PRELID2: variants seen among roughly 807,000 people sequenced by gnomAD.
The protein encoded by PRELID2 is PRELI domain-containing protein 2.
In PRELID2, 25 loss-of-function variants were observed where a neutral mutation model predicts 28.4. That is an observed-to-expected ratio of 0.88 (90% CI 0.64 to 1.23). The LOEUF (loss-of-function observed/expected upper bound fraction) is 1.23, where lower values mean the gene tolerates loss of function less well. Ranked by LOEUF, PRELID2 falls within the 50% of genes most tolerant of loss-of-function variation. The pLI is 0.00. For synonymous variants in PRELID2, 76 were observed against 71.6 expected (o/e 1.06, Z -0.31); for missense variants, 201 against 214.4 (o/e 0.94, Z 0.39).
chr5:145,705,752 C>T (rs982995632), intron 1 of PRELID2, among the ~76,000 whole-genome samples: 4 of 152,088 alleles, frequency 2.6e-5, no homozygotes, highest in Non-Finnish European at 4.4e-5. Flanking sequence ...TATGCGAAAA[C>T]AAAATAGATG....
the PRELID2 span, among the ~76,000 whole-genome samples, chr5:145,377,348 G>A: frequency 6.6e-6 from 1 of 152,146 alleles, no homozygotes; most frequent in East Asian, 1.9e-4. Context: ...TAAGAAGAAT[G>A]TGTGTTCTGT....
the PRELID2 span, among the ~76,000 whole-genome samples, chr5:145,366,057 C>A: frequency 2.6e-5 from 4 of 151,858 alleles, no homozygotes; most frequent in Non-Finnish European, 5.9e-5. Context: ...ACCTCCCTAC[C>A]TCAATCTGCC....
chr5:145,543,351 C>A (rs1007748118), intron 1 of PRELID2, among the ~76,000 whole-genome samples: 1 of 151,964 alleles, frequency 6.6e-6, no homozygotes, highest in Non-Finnish European at 1.5e-5. Flanking sequence ...TTATTTGTTT[C>A]TTTCTTCCAA....
intron 2 of PRELID2, among the ~76,000 whole-genome samples, chr5:145,472,335 C>T (rs1752062016): frequency 1.3e-5 from 2 of 152,244 alleles, no homozygotes; most frequent in South Asian, 4.1e-4. Context: ...ATGCTCTCCA[C>T]AGCCCCATAG....
the PRELID2 span, among the ~76,000 whole-genome samples, chr5:145,281,191 T>C: frequency 6.6e-6 from 1 of 152,126 alleles, no homozygotes; most frequent in Admixed American, 6.5e-5. Flanking sequence ...TTAGTGGGCT[T>C]CTGCTAGGTC....
the PRELID2 span, among the ~76,000 whole-genome samples, chr5:145,405,699 GTTGT>G: frequency 0.035 from 1,602 of 45,976 alleles, 34 homozygotes; most frequent in African/African-American, 0.057. Flanking sequence ...GTACCACATA[GTTGT>G]TTTTTTTTTT....
At chr5:145,560,040 A>C (rs1752913722) in intron 1 of PRELID2, among the ~76,000 whole-genome samples, 1 of 152,164 alleles carries the variant, frequency 6.6e-6, no homozygotes, top group Non-Finnish European at 1.5e-5. Flanking sequence ...GAACATTTAC[A>C]TTAGTCTACA....
the PRELID2 span, among the ~76,000 whole-genome samples, chr5:145,312,312 C>T: frequency 6.6e-6 from 1 of 152,114 alleles, no homozygotes; most frequent in Non-Finnish European, 1.5e-5. Context: ...GATCATGCCA[C>T]TGCACTTCAG....
At chr5:145,486,839 C>A (rs1257448674) in intron 1 of PRELID2, among the ~76,000 whole-genome samples, 1 of 146,440 alleles carries the variant, frequency 6.8e-6, no homozygotes, top group Non-Finnish European at 1.5e-5. Flanking sequence ...TTGGAACCAA[C>A]CCAAATGTCC....
At chr5:145,641,174 G>A (rs1754100982) in intron 1 of PRELID2, among the ~76,000 whole-genome samples, 1 of 152,086 alleles carries the variant, frequency 6.6e-6, no homozygotes, top group Non-Finnish European at 1.5e-5. Context: ...AAACCTAACA[G>A]TTCCTCTCAA....
At chr5:145,416,549 T>C in the PRELID2 span, among the ~76,000 whole-genome samples, 3 of 152,074 alleles carry the variant, frequency 2.0e-5, no homozygotes, top group East Asian at 5.8e-4. Context: ...TGAATGACTC[T>C]TGGGTAAATA....
chr5:145,533,520 A>T (rs1471642114), intron 1 of PRELID2, among the ~76,000 whole-genome samples: 1 of 152,072 alleles, frequency 6.6e-6, no homozygotes, highest in Non-Finnish European at 1.5e-5. Context: ...TGGGTATTAC[A>T]TGCTTTGCTC....
intron 1 of PRELID2, among the ~76,000 whole-genome samples, chr5:145,534,110 C>T (rs1278515702): frequency 2.0e-5 from 3 of 151,988 alleles, no homozygotes; most frequent in African/African-American, 7.2e-5. Context: ...ATTTCATGGT[C>T]ATGAACAAAG....
chr5:145,415,927 T>C, the PRELID2 span, among the ~76,000 whole-genome samples: 1 of 152,070 alleles, frequency 6.6e-6, no homozygotes, highest in African/African-American at 2.4e-5. Flanking sequence ...TTTCTCCACT[T>C]CCTCTCCAGC....
intron 1 of PRELID2, among the ~76,000 whole-genome samples, chr5:145,732,356 A>G (rs1261911358): frequency 6.6e-6 from 1 of 152,228 alleles, no homozygotes; most frequent in African/African-American, 2.4e-5. Flanking sequence ...TTTTCCAACC[A>G]AAACTAATCA....
At chr5:145,649,409 C>G (rs370407250) in intron 1 of PRELID2, among the ~76,000 whole-genome samples, 217 of 152,178 alleles carry the variant, frequency 1.4e-3, no homozygotes, top group African/African-American at 5.1e-3. Context: ...TAATTTTGCC[C>G]AGCTGTAAGC....
chr5:145,551,206 G>T (rs1237677303), intron 1 of PRELID2, among the ~76,000 whole-genome samples: 2 of 152,000 alleles, frequency 1.3e-5, no homozygotes, highest in South Asian at 4.1e-4. Flanking sequence ...TTCAAGACCA[G>T]CCTGGCCAAC....
At chr5:145,286,695 AGTTTTTG>A in the PRELID2 span, among the ~76,000 whole-genome samples, 304 of 131,756 alleles carry the variant, frequency 2.3e-3, 2 homozygotes, top group African/African-American at 9.3e-3. Context: ...CCAACATAGA[AGTTTTTG>A]TTTTTTTTTG....
intron 1 of PRELID2, among the ~76,000 whole-genome samples, chr5:145,693,990 T>G (rs1755204875): frequency 6.6e-6 from 1 of 152,142 alleles, no homozygotes; most frequent in Admixed American, 6.6e-5. Flanking sequence ...CTGCCTTGGT[T>G]CAAATCCCAG....
Sources: gnomAD v4.1 joint callset for allele counts (sites outside exome capture counted in the v4.1 genomes callset) on GRCh38, gnomAD v4.1.1 for gene constraint, MANE v1.5 for transcripts, NCBI Gene and HGNC (gene_info 2026-07-23, HGNC 2026-07-21) for gene names.